NR3C2: variants seen among roughly 807,000 people sequenced by gnomAD.
NR3C2 encodes the protein mineralocorticoid receptor.
In NR3C2, 15 loss-of-function variants were observed where a neutral mutation model predicts 86.4. That is an observed-to-expected ratio of 0.17 (90% confidence interval 0.12 to 0.27). The LOEUF is 0.27. NR3C2 is among the 10% of genes least tolerant of loss of function. NR3C2 has a pLI of 1.00. For synonymous variants in NR3C2, 458 were observed against 450.5 expected (o/e 1.02, Z -0.21); for missense variants, 960 against 1,195.6 (o/e 0.80, Z 2.91).
intron 1 of NR3C2, among the ~76,000 whole-genome samples, chr4:148,437,937 C>T (rs888154574): frequency 6.6e-5 from 10 of 152,170 alleles, no homozygotes; most frequent in African/African-American, 2.4e-4. Flanking sequence ...TCATAATAGG[C>T]TATATTGATA....
chr4:148,181,919 A>G (rs1316806933), intron 4 of NR3C2, among the ~76,000 whole-genome samples: 2 of 152,224 alleles, frequency 1.3e-5, no homozygotes, highest in Non-Finnish European at 1.5e-5. Flanking sequence ...ATACAAATCT[A>G]TGCACTCTTT....
intron 2 of NR3C2, among the ~76,000 whole-genome samples, chr4:148,385,296 T>A (rs954390565): frequency 6.6e-6 from 1 of 152,190 alleles, no homozygotes; most frequent in Non-Finnish European, 1.5e-5. Context: ...ATTCTTACCA[T>A]AACAAATTAT....
At chr4:148,393,418 G>T (rs763084557) in intron 2 of NR3C2, among the ~76,000 whole-genome samples, 9 of 152,122 alleles carry the variant, frequency 5.9e-5, no homozygotes, top group Admixed American at 2.6e-4. Context: ...CCTGAAATGT[G>T]CCATTTTAAA....
intron 8 of NR3C2, among the ~76,000 whole-genome samples, chr4:148,090,951 G>A (rs912499736): frequency 6.6e-6 from 1 of 152,228 alleles, no homozygotes; most frequent in Non-Finnish European, 1.5e-5. Context: ...CCGGGGGCTG[G>A]GCATTTGACT....
chr4:148,305,395 G>A (rs1000381882), intron 2 of NR3C2, among the ~76,000 whole-genome samples: 3 of 152,060 alleles, frequency 2.0e-5, no homozygotes, highest in Admixed American at 6.5e-5. Context: ...CCCAAGAGAC[G>A]TAGAGTATTT....
At chr4:148,094,731 A>G (rs1051341739) in intron 8 of NR3C2, among the ~76,000 whole-genome samples, 4 of 135,250 alleles carry the variant, frequency 3.0e-5, no homozygotes, top group African/African-American at 1.4e-4. Flanking sequence ...AAAAAACAAA[A>G]AAAACAAAAA....
intron 3 of NR3C2, among the ~76,000 whole-genome samples, chr4:148,235,047 C>A (rs1472954996): frequency 6.6e-6 from 1 of 151,890 alleles, no homozygotes; most frequent in African/African-American, 2.4e-5. Context: ...GTCAATAAAT[C>A]GCATTTAAAA....
chr4:148,389,724 C>CA (rs1195826885), intron 2 of NR3C2, among the ~76,000 whole-genome samples: 1 of 151,934 alleles, frequency 6.6e-6, no homozygotes, highest in African/African-American at 2.4e-5. Flanking sequence ...ATCTTCTATA[C>CA]ATTCCATAGG....
chr4:148,408,532 G>A (rs1748532741), intron 2 of NR3C2, among the ~76,000 whole-genome samples: 1 of 152,024 alleles, frequency 6.6e-6, no homozygotes, highest in Non-Finnish European at 1.5e-5. Flanking sequence ...ATCAAACTCA[G>A]GTTTTTAAAC....
intron 6 of NR3C2, among the ~76,000 whole-genome samples, chr4:148,150,877 T>C (rs987798030): frequency 1.2e-4 from 19 of 152,150 alleles, no homozygotes; most frequent in African/African-American, 3.1e-4. Context: ...TGGATGAACA[T>C]TGAAAACATT....
chr4:148,419,209 C>T lies in NR3C2; in HGVS notation c.1757+15895G>A, dbSNP rs376534148. Among the ~76,000 whole-genome samples the T allele has an allele frequency of 4.2e-4, 64 of 152,036 alleles. 1 individual carries two copies. The highest frequency in any genetic ancestry group is 1.4e-3 in the African/African-American group (58 of 41,486). ...ACTGGTGAACAAACAACTCAAATTG[C>T]ATTTTCAACTATAAATGTTCTATTG... On this transcript the variant is annotated intron_variant, in intron 2 of 8. Coordinates refer to ENST00000358102, the MANE Select transcript of NR3C2 (RefSeq NM_000901.5).
chr4:148,269,282 G>A (rs913675677), intron 2 of NR3C2, among the ~76,000 whole-genome samples: 1 of 152,198 alleles, frequency 6.6e-6, no homozygotes, highest in Middle Eastern at 3.2e-3. Flanking sequence ...TGTGTGTAGT[G>A]TCAACTGCCA....
chr4:148,393,924 T>C (rs1011254618), intron 2 of NR3C2, among the ~76,000 whole-genome samples: 1 of 152,224 alleles, frequency 6.6e-6, no homozygotes, highest in Non-Finnish European at 1.5e-5. Flanking sequence ...CCCTTGTGTC[T>C]TGGCTGGCCT....
chr4:148,441,005 T>C (rs1279041755), intron 1 of NR3C2, among the ~76,000 whole-genome samples: 1 of 152,234 alleles, frequency 6.6e-6, no homozygotes, highest in African/African-American at 2.4e-5. Context: ...AAGTTCACTA[T>C]ATGTAACTAT....
At chr4:148,089,119 T>C (rs924457265) in intron 8 of NR3C2, among the ~76,000 whole-genome samples, 2 of 152,196 alleles carry the variant, frequency 1.3e-5, no homozygotes, top group East Asian at 1.9e-4. Flanking sequence ...TTGAGTCAGA[T>C]AGTAAATAAC....
Position 148,370,792 on chromosome 4 carries a change from C to G in NR3C2, c.1757+64312G>C, listed in dbSNP as rs61762852. Among the ~76,000 whole-genome samples, 1,492 of 152,292 alleles carry G rather than the reference C, an allele frequency of 9.8e-3. 7 individuals are homozygous for G. Among genetic ancestry groups the G allele is most frequent in the Non-Finnish European group, 0.014 (966 of 68,020 alleles). On this transcript the variant is annotated intron_variant, in intron 2 of 8. Transcript: ENST00000358102. ...AGGAAATTACAAACGTAACGTTCCT[C>G]TCATTACTTTTAGAAAAGTTTTCAC...
intron 2 of NR3C2, among the ~76,000 whole-genome samples, chr4:148,343,295 A>G (rs1270135023): frequency 6.6e-6 from 1 of 152,134 alleles, no homozygotes; most frequent in African/African-American, 2.4e-5. Context: ...TTTCTGTGCC[A>G]TTGAAAGAAC....
At chr4:148,221,630 C>T (rs1286693287) in intron 3 of NR3C2, among the ~76,000 whole-genome samples, 6 of 152,096 alleles carry the variant, frequency 3.9e-5, no homozygotes, top group African/African-American at 7.2e-5. Flanking sequence ...CGGTGGCTCA[C>T]GCCTGTAATC....
chr4:148,420,222 T>C (rs930141775), intron 2 of NR3C2, among the ~76,000 whole-genome samples: 1 of 152,010 alleles, frequency 6.6e-6, no homozygotes, highest in South Asian at 2.1e-4. Flanking sequence ...TATAACTGAA[T>C]AAAAAAAGTA....
Sources: allele counts gnomAD v4.1 joint callset (sites outside exome capture counted in the v4.1 genomes callset), GRCh38; gene constraint gnomAD v4.1.1; transcripts MANE v1.5; gene names NCBI Gene and HGNC (gene_info 2026-07-23, HGNC 2026-07-21).